Variants in ERBB3 observed in about 807,000 individuals in gnomAD.
ERBB3 encodes the protein erb-b2 receptor tyrosine kinase 3.
Under a neutral mutation model 156.7 loss-of-function variants are expected in ERBB3, and 96 were observed. That is an observed-to-expected ratio of 0.61 (90% CI 0.52 to 0.73). The LOEUF (loss-of-function observed/expected upper bound fraction) is 0.73, where lower values mean the gene tolerates loss of function less well. ERBB3 is among the 30% of genes least tolerant of loss of function. The pLI, the probability that ERBB3 is intolerant of heterozygous loss-of-function variation, is 0.00. For missense variants in ERBB3, 1,406 were observed against 1,709.4 expected, an observed-to-expected ratio of 0.82 and a Z score of 3.13; for synonymous variants, 567 against 632.0, an observed-to-expected ratio of 0.90 and a Z score of 1.54.
intron 11 of ERBB3, 94 bp downstream of exon 11, chr12:56,093,170 G>GA: frequency 8.5e-7 from 1 of 1,176,310 alleles, no homozygotes; most frequent in Non-Finnish European, 1.3e-6. Context: ...GTCTCATACA[G>GA]CAGTGCCTCA....
chr12:56,087,986 G>A (rs571955559), intron 6 of ERBB3, 35 bp from the exon 7 acceptor site: 129 of 1,614,106 alleles, frequency 8.0e-5, no homozygotes, highest in Non-Finnish European at 9.0e-5. Context: ...GGGTACACAC[G>A]TAACATAAAT....
intron 4 of ERBB3, among the ~76,000 whole-genome samples, chr12:56,086,930 C>T (rs1868505575): frequency 6.6e-6 from 1 of 151,844 alleles, no homozygotes; most frequent in Admixed American, 6.6e-5. Flanking sequence ...TCGCTTGAGC[C>T]CAGGAGTCCA....
Position 56,086,470 on chromosome 12 carries a change from G to A in ERBB3, c.422-61G>A. 3.1e-6 allele frequency: 5 copies of A among 1,609,544 alleles called. No homozygotes were observed. The South Asian group carries it at 4.4e-5, about 14-fold the overall frequency. ...TCAGGTGTCCTTTTGGATGGGTGGAGAGGTAAGGAAGAGGCGTTCCGCTGC... is the reference window on the plus strand; with the variant it reads ...TCAGGTGTCCTTTTGGATGGGTGGAAAGGTAAGGAAGAGGCGTTCCGCTGC... On this transcript the variant is annotated intron_variant, in intron 3 of 27. Coordinates refer to ENST00000267101, the MANE Select transcript of ERBB3 (RefSeq NM_001982.4).
rs1248683647 is a variant in ERBB3, at chr12:56,092,787, C to T, written c.1150C>T (p.Leu384Phe). Residue 384 changes from leucine (L) to phenylalanine (F), a missense_variant, in exon 10 of 28, where the codon CTC becomes TTC. Leu to Phe is a conservative substitution (Grantham distance 22, BLOSUM62 0). This residue lies in a region of ERBB3 where 979 missense variants were observed against 1,219.6 expected (regional missense o/e 0.80). Transcript: ENST00000267101. Reference protein sequence around the residue: ...HKIPALDPEKLNVFRTVREIT... With the variant: ...HKIPALDPEKFNVFRTVREIT... ...GATCCCTGCCCTGGACCCAGAGAAGCTCAATGTCTTCCGGACAGTACGGGA... is the reference window on the plus strand; with the variant it reads ...GATCCCTGCCCTGGACCCAGAGAAGTTCAATGTCTTCCGGACAGTACGGGA... 6.2e-7 allele frequency: 1 copy of T among 1,614,190 alleles called. No individual in the cohort carries two copies. Among genetic ancestry groups the T allele is most frequent in the South Asian group, 1.1e-5 (1 of 91,080 alleles).
In ERBB3 at chr12:56,102,942, CAT is replaced by C. The variant is rs1289929471; in HGVS notation, c.*889_*890del. 2 of 209,762 alleles carry C rather than the reference CAT, an allele frequency of 9.5e-6. No individual in the cohort carries two copies. The highest frequency in any genetic ancestry group is 1.9e-5 in the Non-Finnish European group (2 of 106,326). 13.0% of individuals were successfully genotyped at this position (209,762 alleles called of 1,614,324 possible). A position where few individuals can be genotyped will look rare whatever the true frequency, so the allele number is the denominator to read the frequency against. ...AGAATTAGAGATAAGCCTATGGAAA[CAT>C]AGCAAGACACTGTCTCTACAGGGGA... On this transcript the variant is annotated 3_prime_UTR_variant, in exon 28 of 28. Transcript: ENST00000267101.
At chr12:56,082,762 G>A (rs1347576655) in intron 1 of ERBB3, among the ~76,000 whole-genome samples, 1 of 152,154 alleles carries the variant, frequency 6.6e-6, no homozygotes, top group African/African-American at 2.4e-5. Context: ...AACTCCCAAG[G>A]CTGACATGCC....
At chr12:56,088,297 C>G in intron 7 of ERBB3, 135 bp downstream of exon 7, 1 of 1,002,016 alleles carries the variant, frequency 1.0e-6, no homozygotes, top group Non-Finnish European at 1.5e-6. Flanking sequence ...TCTAACCACT[C>G]CAGTGAGTGA....
intron 9 of ERBB3, among the ~76,000 whole-genome samples, chr12:56,089,731 G>A (rs1868607731): frequency 6.6e-6 from 1 of 151,136 alleles, no homozygotes; most frequent in Non-Finnish European, 1.5e-5. Context: ...GCGACAGAGC[G>A]AGACTCTTTC....
intron 2 of ERBB3, among the ~76,000 whole-genome samples, 192 bp from the exon 3 acceptor site, chr12:56,084,803 G>A (rs903700275): frequency 2.6e-5 from 4 of 151,812 alleles, no homozygotes; most frequent in South Asian, 2.1e-4. Context: ...AGCCAAGATC[G>A]CACTATTGTA....
In ERBB3 at chr12:56,097,068, G is replaced by C. The variant is rs1269466409; in HGVS notation, c.2298G>C (p.Leu766=). Residue 766 remains leucine (L), a synonymous_variant, in exon 20 of 28, where the codon CTG becomes CTC. Transcript: ENST00000267101. The part of the protein sequence containing the change: ...VTDHMLAIGS[L]DHAHIVRLLG... ...AGCATATGCTGGCCATTGGCAGCCT[G>C]GACCATGCCCACATTGTAAGGCTGC... 2 of 1,614,062 alleles carry C rather than the reference G, an allele frequency of 1.2e-6. No individual in the cohort carries two copies. Among genetic ancestry groups the C allele is most frequent in the South Asian group, 2.2e-5 (2 of 91,080 alleles).
chr12:56,097,461 G>C (rs899088556), intron 20 of ERBB3, among the ~76,000 whole-genome samples: 1 of 152,130 alleles, frequency 6.6e-6, no homozygotes, highest in Non-Finnish European at 1.5e-5. Context: ...ATTACCGCCC[G>C]AGTTCCGCCT....
At chr12:56,095,487 A>G (rs1282451875) in intron 16 of ERBB3, 177 bp downstream of exon 16, 1 of 905,170 alleles carries the variant, frequency 1.1e-6, no homozygotes, top group Non-Finnish European at 1.8e-6. Context: ...CCTAAAATTA[A>G]CTTTCAGTAG....
Position 56,098,518 on chromosome 12 carries a change from G to A in ERBB3, c.2635G>A (p.Ala879Thr), listed in dbSNP as rs982018467. The A allele has an allele frequency of 6.2e-7, 1 of 1,612,292 alleles. No individual in the cohort carries two copies. Among genetic ancestry groups the A allele is most frequent in the Non-Finnish European group, 8.5e-7 (1 of 1,178,280 alleles). Reference protein sequence around the residue: ...SEAKTPIKWMALESIHFGKYT... With the variant: ...SEAKTPIKWMTLESIHFGKYT... ...TCCGCAGACTCCAATTAAGTGGATG[G>A]CCCTTGAGAGTATCCACTTTGGGAA... The change falls in exon 22 of 28, where the codon GCC becomes ACC. Residue 879 changes from alanine (A) to threonine (T), a missense_variant. Coordinates refer to ENST00000267101, the MANE Select transcript of ERBB3 (RefSeq NM_001982.4).
intron 9 of ERBB3, among the ~76,000 whole-genome samples, chr12:56,091,469 C>A (rs138158047): frequency 9.2e-5 from 13 of 141,088 alleles, no homozygotes; most frequent in Non-Finnish European, 1.5e-4. Context: ...AGTGCAGTGG[C>A]GTGATCTCAG....
At chr12:56,094,077 C>G (rs749638332) in intron 13 of ERBB3, 22 bp from the exon 14 acceptor site, 2 of 1,601,402 alleles carry the variant, frequency 1.2e-6, no homozygotes, top group South Asian at 1.1e-5. Flanking sequence ...TGACCCCCCC[C>G]TCCCTTTATT....
At chr12:56,080,613 C>G (rs913634629) in intron 1 of ERBB3, among the ~76,000 whole-genome samples, 1 of 152,214 alleles carries the variant, frequency 6.6e-6, no homozygotes, top group Non-Finnish European at 1.5e-5. Flanking sequence ...GTCGCCGACC[C>G]TCTAATTGGT....
At chr12:56,093,581 A>G (rs1197558648) in intron 12 of ERBB3, 31 bp downstream of exon 12, 1 of 1,599,028 alleles carries the variant, frequency 6.3e-7, no homozygotes, top group Admixed American at 1.7e-5. Context: ...GGTGGTGAGA[A>G]TAGGGAGTCA....
chr12:56,093,442 G>A lies in ERBB3; in HGVS notation c.1372G>A (p.Ala458Thr), dbSNP rs1385659523. ...TAGTGCTGGGCGTATCTATATAAGTGCCAATAGGCAGCTCTGCTACCACCA... is the reference window on the plus strand; with the variant it reads ...TAGTGCTGGGCGTATCTATATAAGTACCAATAGGCAGCTCTGCTACCACCA... ...EISAGRIYIS[A>T]NRQLCYHHSL... is the part of the protein sequence containing the mutation. Residue 458 changes from alanine to threonine, a missense_variant, in exon 12 of 28, where the codon GCC becomes ACC. Around this residue, in one of 3 missense-constraint regions of ERBB3, gnomAD observed 979 missense variants for 1,219.6 expected, o/e 0.80. Transcript: ENST00000267101. The A allele has an allele frequency of 1.4e-5, 22 of 1,613,910 alleles. No homozygotes were observed. The highest frequency in any genetic ancestry group is 1.9e-5 in the Non-Finnish European group (22 of 1,180,004).
In ERBB3 at chr12:56,102,806, T is replaced by TAAAAAAA. The variant is rs4016497; in HGVS notation, c.*773_*779dup. On this transcript the variant is annotated 3_prime_UTR_variant, in exon 28 of 28. Coordinates refer to ENST00000267101, the MANE Select transcript of ERBB3 (RefSeq NM_001982.4). ...CAACATAGTAAGACCCCCATCTCTT[T>TAAAAAAA]AAAAAAAAAAAAAAAAAAAAAAAAA... 1.2e-3 allele frequency: 66 copies of TAAAAAAA among 56,042 alleles called. 1 individual carries two copies. Among genetic ancestry groups the TAAAAAAA allele is most frequent in the East Asian group, 4.3e-3 (16 of 3,692 alleles). The allele number at this position is 56,042 out of a possible 1,614,324, so 3.5% of individuals were successfully genotyped here.
Sources: allele counts gnomAD v4.1 joint callset (sites outside exome capture counted in the v4.1 genomes callset), GRCh38; gene constraint gnomAD v4.1.1; regional missense constraint gnomAD v4.1.1; transcripts MANE v1.5; gene names NCBI Gene and HGNC (gene_info 2026-07-23, HGNC 2026-07-21).